SRPK2: variants seen among roughly 807,000 people sequenced by gnomAD.
The protein encoded by SRPK2 is SFRS protein kinase 2.
SRPK2 carries 21 observed loss-of-function variants against 90.8 expected under a neutral mutation model. The observed-to-expected ratio is 0.23, with a 90% CI of 0.16 to 0.33. The LOEUF (loss-of-function observed/expected upper bound fraction) is 0.33, where lower values mean the gene tolerates loss of function less well. Among genes scored for constraint, SRPK2 ranks in the 10% least tolerant of loss-of-function variants. The pLI is 1.00. For synonymous variants in SRPK2, 288 were observed against 311.1 expected (o/e 0.93, Z 0.78); for missense variants, 620 against 869.0 (o/e 0.71, Z 3.60).
chr7:105,294,167 C>T (rs1458577619), intron 2 of SRPK2, among the ~76,000 whole-genome samples: 1 of 152,190 alleles, frequency 6.6e-6, no homozygotes, highest in East Asian at 1.9e-4. Flanking sequence ...CAGGCCCAAT[C>T]CCCAAAGTTC....
Position 105,169,257 on chromosome 7 carries a change from G to A in SRPK2, c.238C>T (p.His80Tyr). Residue 80 changes from histidine (H) to tyrosine (Y), a missense_variant, in exon 4 of 16, where the codon CAT becomes TAT. By Grantham distance (83) the His-to-Tyr change is moderately conservative. Transcript: ENST00000393651. ...DPADYCKGGYHPVKIGDLFNG... is the reference protein window; with the variant it reads ...DPADYCKGGYYPVKIGDLFNG... ...AAGAGGTCTCCAATTTTCACTGGAT[G>A]ATATCCACCTTAAAAAACAAGAAAG... is the stretch of plus-strand genomic sequence containing the variant. 6.2e-7 allele frequency: 1 copy of A among 1,610,728 alleles called. No individual in the cohort carries two copies.
chr7:105,392,458 T>C (rs527511702), upstream of SRPK2, among the ~76,000 whole-genome samples: 3 of 152,376 alleles, frequency 2.0e-5, no homozygotes, highest in African/African-American at 4.8e-5. Context: ...TTGGCATCCA[T>C]TGATGATTCT....
At chr7:105,384,900 G>A (rs1308587822) in intron 2 of SRPK2, among the ~76,000 whole-genome samples, 10 of 149,450 alleles carry the variant, frequency 6.7e-5, no homozygotes, top group Non-Finnish European at 1.3e-4. Flanking sequence ...TTTTTGAGAC[G>A]GAGTCTGGCT....
At chr7:105,377,912 G>C (rs888239186) in intron 2 of SRPK2, among the ~76,000 whole-genome samples, 1 of 152,056 alleles carries the variant, frequency 6.6e-6, no homozygotes, top group African/African-American at 2.4e-5. Flanking sequence ...ATATACATCA[G>C]TCTCCTGAAG....
chr7:105,218,689 A>T (rs1236801755), intron 2 of SRPK2, among the ~76,000 whole-genome samples: 1 of 152,232 alleles, frequency 6.6e-6, no homozygotes, highest in Non-Finnish European at 1.5e-5. Context: ...AAGTGAAGTA[A>T]AACTAATTTT....
At chr7:105,378,408 A>T (rs1820558025) in intron 2 of SRPK2, among the ~76,000 whole-genome samples, 1 of 152,122 alleles carries the variant, frequency 6.6e-6, no homozygotes, top group Admixed American at 6.6e-5. Flanking sequence ...TTTAAAGGGT[A>T]GGGGGCAAAA....
At chr7:105,140,363 G>A (rs1016150044) in intron 11 of SRPK2, among the ~76,000 whole-genome samples, 4 of 152,088 alleles carry the variant, frequency 2.6e-5, no homozygotes, top group Admixed American at 1.3e-4. Context: ...CACTTTGGGA[G>A]GCTGGGGAGG....
chr7:105,342,032 G>T (rs1815867235), intron 2 of SRPK2, among the ~76,000 whole-genome samples: 1 of 152,124 alleles, frequency 6.6e-6, no homozygotes. Context: ...GGGAGGCCAA[G>T]GTGGGCGGAT....
chr7:105,358,126 A>G (rs1817990608), intron 2 of SRPK2, among the ~76,000 whole-genome samples: 1 of 148,298 alleles, frequency 6.7e-6, no homozygotes, highest in African/African-American at 2.5e-5. Context: ...CAAGAGGCTG[A>G]GGCAGGAGAA....
At chr7:105,130,417 G>GC (rs1349847269) in intron 13 of SRPK2, among the ~76,000 whole-genome samples, 1 of 152,078 alleles carries the variant, frequency 6.6e-6, no homozygotes, top group African/African-American at 2.4e-5. Flanking sequence ...AGGCGTGGTG[G>GC]CATGTGCCTG....
At chr7:105,212,688 T>C (rs1797003296) in intron 2 of SRPK2, among the ~76,000 whole-genome samples, 1 of 152,082 alleles carries the variant, frequency 6.6e-6, no homozygotes, top group Non-Finnish European at 1.5e-5. Flanking sequence ...AATTAGAGTG[T>C]AGAACAGGTA....
intron 2 of SRPK2, among the ~76,000 whole-genome samples, chr7:105,235,828 A>G (rs972340669): frequency 2.0e-5 from 3 of 152,248 alleles, no homozygotes; most frequent in Non-Finnish European, 4.4e-5. Context: ...ATTATTAGCT[A>G]TTCAAAATAA....
chr7:105,124,752 C>T (rs1468275380), intron 15 of SRPK2, among the ~76,000 whole-genome samples: 1 of 151,366 alleles, frequency 6.6e-6, no homozygotes, highest in African/African-American at 2.4e-5. Flanking sequence ...CTCACATCAA[C>T]TTTAAAAGTT....
intron 2 of SRPK2, among the ~76,000 whole-genome samples, chr7:105,248,333 T>G (rs1801996433): frequency 6.6e-6 from 1 of 151,718 alleles, no homozygotes. Context: ...GCACAAGTAC[T>G]TAATTCCAAT....
intron 3 of SRPK2, among the ~76,000 whole-genome samples, chr7:105,170,145 G>A (rs185256076): frequency 1.4e-4 from 21 of 152,218 alleles, no homozygotes; most frequent in African/African-American, 4.8e-4. Context: ...AGGTGTGTAC[G>A]TTATGCACAT....
At chr7:105,128,244 C>T (rs749289178) in intron 13 of SRPK2, among the ~76,000 whole-genome samples, 4 of 152,254 alleles carry the variant, frequency 2.6e-5, no homozygotes, top group East Asian at 3.9e-4. Flanking sequence ...GCTGACCGAG[C>T]GATAAGCATT....
At chr7:105,243,643 A>C (rs968402423) in intron 2 of SRPK2, among the ~76,000 whole-genome samples, 5 of 151,130 alleles carry the variant, frequency 3.3e-5, no homozygotes, top group Non-Finnish European at 7.4e-5. Context: ...AAAAAAAAAA[A>C]AAAAAAACCA....
At chr7:105,362,065 A>C (rs1483069747) in intron 2 of SRPK2, among the ~76,000 whole-genome samples, 2 of 152,160 alleles carry the variant, frequency 1.3e-5, no homozygotes, top group Non-Finnish European at 2.9e-5. Context: ...AAATTTTTAC[A>C]ATCTACCTAT....
chr7:105,257,266 G>A (rs1803456903), intron 2 of SRPK2, among the ~76,000 whole-genome samples: 1 of 152,156 alleles, frequency 6.6e-6, no homozygotes, highest in Non-Finnish European at 1.5e-5. Context: ...ATAAAAGATT[G>A]TTACAAAAGG....
Sources: gnomAD v4.1 joint callset for allele counts (sites outside exome capture counted in the v4.1 genomes callset) on GRCh38, gnomAD v4.1.1 for gene constraint, MANE v1.5 for transcripts, NCBI Gene and HGNC (gene_info 2026-07-23, HGNC 2026-07-21) for gene names.